Variants in SAMHD1 observed in about 807,000 individuals in gnomAD.
SAMHD1 encodes the protein SAM and HD domain containing deoxynucleoside triphosphate triphosphohydrolase 1.
SAMHD1 carries 54 observed loss-of-function variants against 79.6 expected under a neutral mutation model. The ratio of observed to expected loss-of-function variants is 0.68; its 90% confidence interval spans 0.55 to 0.85. The LOEUF (loss-of-function observed/expected upper bound fraction) is 0.85, where lower values mean the gene tolerates loss of function less well. SAMHD1 is among the 40% of genes least tolerant of loss of function. The pLI is 0.00. For missense variants in SAMHD1, 663 were observed against 782.7 expected (o/e 0.85, Z 1.82); for synonymous variants, 260 against 264.1 (o/e 0.98, Z 0.15).
chr20:36,891,862 T>A lies in SAMHD1; in HGVS notation c.*1070A>T, dbSNP rs1422808749. The A allele has an allele frequency of 6.6e-6, 1 of 152,250 alleles. No individual in the cohort carries two copies. The allele number at this position is 152,250 out of a possible 1,614,324, so 9.4% of individuals were successfully genotyped here. A position where few individuals can be genotyped will look rare whatever the true frequency, so the allele number is the denominator to read the frequency against. On this transcript the variant is annotated 3_prime_UTR_variant, in exon 16 of 16. Coordinates refer to ENST00000646673, the MANE Select transcript of SAMHD1 (RefSeq NM_015474.4). ...GCCGCCACGCCTGGCTAGTGTTTGC[T>A]CTTAAATACACAAAATGCACTGAAC...
intron 5 of SAMHD1, among the ~76,000 whole-genome samples, chr20:36,928,257 C>T (rs1312985616): frequency 2.6e-5 from 4 of 151,820 alleles, no homozygotes; most frequent in Admixed American, 1.3e-4. Context: ...GGCTTGGTGG[C>T]GGGCACCTGT....
At chr20:36,916,151 ACT>A (rs2063473459) in intron 9 of SAMHD1, among the ~76,000 whole-genome samples, 1 of 150,836 alleles carries the variant, frequency 6.6e-6, no homozygotes, top group South Asian at 2.1e-4. Flanking sequence ...ACTGAGCGAG[ACT>A]CCGTCTCAAA....
At chr20:36,951,305 C>T (rs2063732750) in intron 1 of SAMHD1, 131 bp downstream of exon 1, 1 of 1,318,694 alleles carries the variant, frequency 7.6e-7, no homozygotes, top group South Asian at 1.3e-5. Context: ...GCAGGTCCGC[C>T]CTCCCGGGTG....
Position 36,903,453 on chromosome 20 carries a change from A to T in SAMHD1, c.1503+704T>A, listed in dbSNP as rs8117182. Among the ~76,000 whole-genome samples the T allele has an allele frequency of 4.0e-5, 6 of 150,834 alleles. No homozygotes were observed. In the East Asian group the frequency reaches 1.2e-3, roughly 30 times the overall value. On this transcript the variant is annotated intron_variant, in intron 13 of 15. Coordinates refer to ENST00000646673, the MANE Select transcript of SAMHD1 (RefSeq NM_015474.4). ...TGGGGGTTTCACCATGTTGGCCAGGATGGTCTCAATCTCCTGACTTTGTGA... is the reference window on the plus strand; with the variant it reads ...TGGGGGTTTCACCATGTTGGCCAGGTTGGTCTCAATCTCCTGACTTTGTGA...
At chr20:36,933,254 C>T (rs2063578957) in intron 4 of SAMHD1, among the ~76,000 whole-genome samples, 1 of 152,138 alleles carries the variant, frequency 6.6e-6, no homozygotes, top group South Asian at 2.1e-4. Flanking sequence ...CTGTCCACTT[C>T]CTCCTGGCTC....
In SAMHD1 at chr20:36,898,496, C is replaced by G; in HGVS notation, c.1552G>C (p.Val518Leu). 1 of 1,614,028 alleles carries G rather than the reference C, an allele frequency of 6.2e-7. No individual in the cohort carries two copies. Among genetic ancestry groups the G allele is most frequent in the Non-Finnish European group, 8.5e-7 (1 of 1,179,970 alleles). The change falls in exon 14 of 16, where the codon GTT becomes CTT. Residue 518 changes from valine to leucine, a missense_variant. Transcript: ENST00000646673. ...GMQEKNPIDH[V>L]SFYCKTAPNR... ...GGGGCAGTCTTACAATAGAAGCTAA[C>G]ATGATCAATTGGATTCTTTTCTTGC... is the stretch of plus-strand genomic sequence containing the variant.
chr20:36,913,571 C>A (rs1054718830), intron 9 of SAMHD1, among the ~76,000 whole-genome samples: 1 of 150,422 alleles, frequency 6.6e-6, no homozygotes, highest in African/African-American at 2.4e-5. Context: ...CCATTGCACT[C>A]CAGTCTGGGT....
intron 11 of SAMHD1, 29 bp from the exon 12 acceptor site, chr20:36,905,532 TTAAAA>T: frequency 6.4e-7 from 1 of 1,560,386 alleles, no homozygotes; most frequent in Non-Finnish European, 8.8e-7. Flanking sequence ...TTCAGTTATA[TTAAAA>T]TAAAAACACA....
intron 6 of SAMHD1, among the ~76,000 whole-genome samples, chr20:36,926,099 A>G (rs1444893938): frequency 6.6e-6 from 1 of 151,056 alleles, no homozygotes; most frequent in Non-Finnish European, 1.5e-5. Flanking sequence ...ACAACATAGA[A>G]AATGTATTTC....
intron 6 of SAMHD1, chr20:36,926,917 G>A (rs557394453): frequency 7.9e-6 from 3 of 381,862 alleles, no homozygotes; most frequent in Non-Finnish European, 1.4e-5. Context: ...AGTATTTAAC[G>A]GCTTTGTGAT....
chr20:36,951,327 AG>A, intron 1 of SAMHD1, 108 bp downstream of exon 1: 4 of 1,499,036 alleles, frequency 2.7e-6, no homozygotes, highest in Non-Finnish European at 3.6e-6. Flanking sequence ...CTCCCGCCGC[AG>A]GGCTCGCTCC....
chr20:36,925,933 T>C (rs2063533416), intron 6 of SAMHD1, among the ~76,000 whole-genome samples: 1 of 152,178 alleles, frequency 6.6e-6, no homozygotes, highest in African/African-American at 2.4e-5. Flanking sequence ...TAAATACATA[T>C]CTACCATATG....
chr20:36,893,732 G>A (rs1990137503), intron 15 of SAMHD1: 1 of 395,888 alleles, frequency 2.5e-6, no homozygotes, highest in African/African-American at 2.1e-5. Context: ...CGATCTTGGA[G>A]AGCCTCTGTT....
At chr20:36,941,290 T>C (rs1041846159) in intron 2 of SAMHD1, among the ~76,000 whole-genome samples, 179 bp from the exon 3 acceptor site, 15 of 152,154 alleles carry the variant, frequency 9.9e-5, no homozygotes, top group Non-Finnish European at 1.9e-4. Flanking sequence ...GCTGTTAAGA[T>C]AGGGAACTCT....
intron 11 of SAMHD1, among the ~76,000 whole-genome samples, chr20:36,910,550 T>C (rs1601124146): frequency 6.6e-6 from 1 of 151,700 alleles, no homozygotes; most frequent in South Asian, 2.1e-4. Context: ...GCCAATATGG[T>C]AAAACCCTGT....
chr20:36,929,185 A>T (rs1448292970), intron 5 of SAMHD1, among the ~76,000 whole-genome samples: 1 of 152,066 alleles, frequency 6.6e-6, no homozygotes, highest in Non-Finnish European at 1.5e-5. Flanking sequence ...GCTCCTGGGG[A>T]CTGGCAAAGG....
chr20:36,893,026 T>G lies in SAMHD1; in HGVS notation c.1787A>C (p.Lys596Thr). 6.2e-7 allele frequency: 1 copy of G among 1,613,728 alleles called. No homozygotes were observed. Among genetic ancestry groups the G allele is most frequent in the Non-Finnish European group, 8.5e-7 (1 of 1,179,802 alleles). ...GACTGAAGTACTGTCGTTCCATTCC[T>G]TTTTTTGAGGTGTTATGAGTGGGGC... ...VIAPLITPQK[K>T]EWNDSTSVQN... The change falls in exon 16 of 16, where the codon AAG becomes ACG. Residue 596 changes from lysine (K) to threonine (T), a missense_variant. By Grantham distance (78) the Lys-to-Thr change is moderately conservative. Coordinates refer to ENST00000646673, the MANE Select transcript of SAMHD1 (RefSeq NM_015474.4).
At chr20:36,931,582 AG>A (rs1270858449) in intron 4 of SAMHD1, among the ~76,000 whole-genome samples, 1 of 152,064 alleles carries the variant, frequency 6.6e-6, no homozygotes, top group Non-Finnish European at 1.5e-5. Flanking sequence ...GGTTGCAGTG[AG>A]CCGAGATCTT....
rs538190896 is a variant in SAMHD1 at position 36,898,335 on chromosome 20, A to AT, written c.1608+104dup. On this transcript the variant is annotated intron_variant, in intron 14 of 15. Transcript: ENST00000646673. ...GAGCTACTGTGCCAGGCCCACTTTA[A>AT]TTGTAAAGATATGCCTTAAAACCTA... 1.1e-4 allele frequency: 101 copies of AT among 883,012 alleles called. No individual in the cohort carries two copies. In the African/African-American group the frequency reaches 1.5e-3, roughly 13 times the overall value. The allele number at this position is 883,012 out of a possible 1,614,324, so 54.7% of individuals were successfully genotyped here. A position where few individuals can be genotyped will look rare whatever the true frequency, so the allele number is the denominator to read the frequency against.
Sources: gnomAD v4.1 joint callset for allele counts (sites outside exome capture counted in the v4.1 genomes callset) on GRCh38, gnomAD v4.1.1 for gene constraint, MANE v1.5 for transcripts, NCBI Gene and HGNC (gene_info 2026-07-23, HGNC 2026-07-21) for gene names.